Variants in BMP15 observed in about 807,000 individuals in gnomAD.
BMP15 encodes the protein bone morphogenetic protein 15.
A neutral mutation model predicts 4.4 loss-of-function variants in BMP15; 5 were observed. That is an observed-to-expected ratio of 1.13 (90% CI 0.59 to 2.38). The LOEUF is 2.38. Ranked by LOEUF, BMP15 falls within the 30% of genes most tolerant of loss-of-function variation. The pLI is 0.01. For missense variants in BMP15, 339 were observed against 309.8 expected, an observed-to-expected ratio of 1.09 and a Z score of -0.71; for synonymous variants, 125 against 114.6, an observed-to-expected ratio of 1.09 and a Z score of -0.58.
intron 1 of BMP15, among the ~76,000 whole-genome samples, chrX:50,913,811 G>A (rs1301604882): frequency 9.0e-6 from 1 of 111,135 alleles, no homozygotes; most frequent in Non-Finnish European, 1.9e-5. Context: ...TAGCCAGGGT[G>A]GAGCAGGTTT....
intron 1 of BMP15, among the ~76,000 whole-genome samples, chrX:50,913,622 G>T (rs1192083827): frequency 1.1e-4 from 12 of 111,465 alleles, no homozygotes; most frequent in African/African-American, 3.3e-4. Context: ...CAGATGACAG[G>T]TTCAATCACA....
chrX:50,915,824 A>G lies in BMP15; in HGVS notation c.396A>G (p.Arg132=). Residue 132 remains arginine, a synonymous_variant, in exon 2 of 2, where the codon AGA becomes AGG. Coordinates refer to ENST00000252677, the MANE Select transcript of BMP15 (RefSeq NM_005448.2). ...ACCGAGGACTATACCAACTAGTTAG[A>G]GCCACTGTGGTTTACCGCCATCATC... The part of the protein sequence containing the change: ...RPNRGLYQLV[R]ATVVYRHHLQ... 1 of 1,211,437 alleles carries G rather than the reference A, an allele frequency of 8.3e-7. No individual in the cohort carries two copies.
In BMP15 at chrX:50,915,898, A is replaced by C; in HGVS notation, c.470A>C (p.Gln157Pro). 8.3e-7 allele frequency: 1 copy of C among 1,211,859 alleles called. No homozygotes were observed. Among genetic ancestry groups the C allele is most frequent in the Non-Finnish European group, 1.1e-6 (1 of 895,555 alleles). ...NLSCHVEPWV[Q>P]KNPTNHFPSS... is the part of the protein sequence containing the mutation. ...TCCTGCCATGTGGAGCCCTGGGTGC[A>C]GAAAAACCCAACCAACCACTTCCCT... The change falls in exon 2 of 2, where the codon CAG becomes CCG. Residue 157 changes from glutamine (Q) to proline (P), a missense_variant. Coordinates refer to ENST00000252677, the MANE Select transcript of BMP15 (RefSeq NM_005448.2).
chrX:50,912,851 T>C (rs1049927727), intron 1 of BMP15, among the ~76,000 whole-genome samples: 2 of 111,740 alleles, frequency 1.8e-5, no homozygotes, highest in African/African-American at 6.5e-5. Context: ...GTTGTTAAGA[T>C]AGAGAATGGC....
rs1557280284 is a variant in BMP15, at chrX:50,915,851, C to T, written c.423C>T (p.Leu141=). Residue 141 remains leucine (L), a synonymous_variant, in exon 2 of 2, where the codon CTC becomes CTT. Coordinates refer to ENST00000252677, the MANE Select transcript of BMP15 (RefSeq NM_005448.2). ...VRATVVYRHH[L]QLTRFNLSCH... ...CCACTGTGGTTTACCGCCATCATCT[C>T]CAACTAACTCGCTTCAATCTCTCCT... The T allele has an allele frequency of 8.3e-7, 1 of 1,211,527 alleles. No homozygotes were observed. The highest frequency in any genetic ancestry group is 2.2e-5 in the Admixed American group (1 of 45,998).
At chrX:50,915,628 T>C (rs1207504082) in intron 1 of BMP15, 129 bp from the exon 2 acceptor site, 1 of 826,373 alleles carries the variant, frequency 1.2e-6, no homozygotes, top group African/African-American at 2.0e-5. Flanking sequence ...TAAATGATAG[T>C]ATCATTATCT....
rs1557279882 is a variant in BMP15 at position 50,910,852 on chromosome X, C to T, written c.69C>T (p.Ala23=). 1 of 1,209,129 alleles carries T rather than the reference C, an allele frequency of 8.3e-7. No homozygotes were observed. Among genetic ancestry groups the T allele is most frequent in the South Asian group, 1.8e-5 (1 of 56,287 alleles). The part of the protein sequence containing the change: ...CELVLFMEHR[A]QMAEGGQSSI... Reference sequence around the variant, plus strand: ...TCGTGCTTTTCATGGAACACAGGGCCCAAATGGCAGAAGGAGGGCAGTCCT... The same window carrying T: ...TCGTGCTTTTCATGGAACACAGGGCTCAAATGGCAGAAGGAGGGCAGTCCT... The change falls in exon 1 of 2, where the codon GCC becomes GCT. Residue 23 remains alanine (A), a synonymous_variant. Transcript: ENST00000252677.
At chrX:50,911,634 C>T (rs782456675) in intron 1 of BMP15, among the ~76,000 whole-genome samples, 2 of 111,595 alleles carry the variant, frequency 1.8e-5, no homozygotes, top group Admixed American at 1.9e-4. Context: ...ATGCAATTAG[C>T]CTAATTTTAA....
rs782542588 is a variant in BMP15, at chrX:50,916,044, C to T, written c.616C>T (p.Arg206Cys). The stretch of plus-strand genomic sequence containing the variant: ...CAAGGGACACAGGATCCTACGACTC[C>T]GTTTTATGTGTCAGCAGCAAAAAGA... ...NNKGHRILRL[R>C]FMCQQQKDSG... The change falls in exon 2 of 2, where the codon CGT becomes TGT. Residue 206 changes from arginine (R) to cysteine (C), a missense_variant. Physicochemically the swap from Arg to Cys is radical, Grantham distance 180 (BLOSUM62 -3). Transcript: ENST00000252677. 117 of 1,210,219 alleles carry T rather than the reference C, an allele frequency of 9.7e-5. No individual in the cohort carries two copies. The highest frequency in any genetic ancestry group is 1.2e-4 in the Non-Finnish European group (110 of 895,307).
chrX:50,910,897 G>T lies in BMP15; in HGVS notation c.114G>T (p.Glu38Asp). ...AGTCCTCTATTGCCCTTCTGGCTGA[G>T]GCCCCTACTTTGCCCCTGATTGAGG... The part of the protein sequence containing the change: ...GGQSSIALLA[E>D]APTLPLIEEL... Residue 38 changes from glutamate to aspartate, a missense_variant, in exon 1 of 2, where the codon GAG becomes GAT. Glu to Asp is a conservative substitution (Grantham distance 45). Transcript: ENST00000252677. The T allele has an allele frequency of 8.3e-7, 1 of 1,202,471 alleles. No individual in the cohort carries two copies. The highest frequency in any genetic ancestry group is 1.1e-6 in the Non-Finnish European group (1 of 890,427).
chrX:50,912,538 A>G (rs1187549833), intron 1 of BMP15, among the ~76,000 whole-genome samples: 1 of 111,660 alleles, frequency 9.0e-6, no homozygotes, highest in East Asian at 2.8e-4. Flanking sequence ...AAGTGAAGAG[A>G]CTGTTGGAAG....
At position 50,910,878 on chromosome X, in the gene BMP15, C is replaced by G; in HGVS notation, c.95C>G (p.Ser32Cys). The G allele has an allele frequency of 8.3e-7, 1 of 1,206,514 alleles. No individual in the cohort carries two copies. The highest frequency in any genetic ancestry group is 1.1e-6 in the Non-Finnish European group (1 of 892,415). The change falls in exon 1 of 2, where the codon TCT becomes TGT. Residue 32 changes from serine to cysteine, a missense_variant. Coordinates refer to ENST00000252677, the MANE Select transcript of BMP15 (RefSeq NM_005448.2). ...CAAATGGCAGAAGGAGGGCAGTCCT[C>G]TATTGCCCTTCTGGCTGAGGCCCCT... ...RAQMAEGGQS[S>C]IALLAEAPTL... is the part of the protein sequence containing the mutation.
chrX:50,911,209 C>T, intron 1 of BMP15, 98 bp downstream of exon 1: 1 of 1,002,034 alleles, frequency 1.0e-6, no homozygotes, highest in Admixed American at 2.6e-5. Flanking sequence ...GCTTTGTTGC[C>T]TTGTGGGCAG....
Position 50,910,974 on chromosome X carries a change from G to A in BMP15, c.191G>A (p.Gly64Glu). 2 of 1,191,184 alleles carry A rather than the reference G, an allele frequency of 1.7e-6. No homozygotes were observed. The highest frequency in any genetic ancestry group is 1.8e-5 in the South Asian group (1 of 54,300). Reference protein sequence around the residue: ...GEQPRKPRLLGHSLRYMLELY... With the variant: ...GEQPRKPRLLEHSLRYMLELY... The stretch of plus-strand genomic sequence containing the variant: ...CAGCCAAGGAAGCCCCGGCTCCTAG[G>A]GCATTCACTGCGGTACATGCTGGAG... Residue 64 changes from glycine (G) to glutamate (E), a missense_variant, in exon 1 of 2, where the codon GGG (glycine) becomes GAG (glutamate). Gly to Glu is a moderately conservative substitution (Grantham distance 98). Transcript: ENST00000252677.
intron 1 of BMP15, among the ~76,000 whole-genome samples, chrX:50,914,414 T>A (rs1229883128): frequency 8.9e-6 from 1 of 112,018 alleles, no homozygotes; most frequent in African/African-American, 3.2e-5. Flanking sequence ...CAAAACCCTG[T>A]CTCTACAAAA....
At chrX:50,911,378 C>T (rs922141829) in intron 1 of BMP15, among the ~76,000 whole-genome samples, 1 of 112,521 alleles carries the variant, frequency 8.9e-6, no homozygotes, top group Non-Finnish European at 1.9e-5. Flanking sequence ...GTGCCATCAC[C>T]TATCTTTCAC....
In BMP15 at chrX:50,915,838, A is replaced by G; in HGVS notation, c.410A>G (p.Tyr137Cys). ...CAACTAGTTAGAGCCACTGTGGTTT[A>G]CCGCCATCATCTCCAACTAACTCGC... ...LYQLVRATVV[Y>C]RHHLQLTRFN... Residue 137 changes from tyrosine to cysteine, a missense_variant, in exon 2 of 2, where the codon TAC (tyrosine) becomes TGC (cysteine). Coordinates refer to ENST00000252677, the MANE Select transcript of BMP15 (RefSeq NM_005448.2). 7.4e-6 allele frequency: 9 copies of G among 1,211,578 alleles called. No individual in the cohort carries two copies. The highest frequency in any genetic ancestry group is 1.0e-5 in the Non-Finnish European group (9 of 895,479).
intron 1 of BMP15, among the ~76,000 whole-genome samples, chrX:50,913,682 C>A (rs1461041167): frequency 3.6e-5 from 4 of 110,826 alleles, no homozygotes; most frequent in Non-Finnish European, 7.6e-5. Flanking sequence ...CCAGACCCTT[C>A]CTGGCTCTGA....
At chrX:50,913,478 C>T (rs1258780725) in intron 1 of BMP15, among the ~76,000 whole-genome samples, 1 of 110,935 alleles carries the variant, frequency 9.0e-6, no homozygotes, top group Non-Finnish European at 1.9e-5. Context: ...AAACAACAAC[C>T]CCACAAATTA....
Sources: gnomAD v4.1 joint callset for allele counts (sites outside exome capture counted in the v4.1 genomes callset) on GRCh38, gnomAD v4.1.1 for gene constraint, MANE v1.5 for transcripts, NCBI Gene and HGNC (gene_info 2026-07-23, HGNC 2026-07-21) for gene names.